The following RBFOX1 variants were observed in gnomAD, a reference collection of about 807,000 sequenced individuals.
The protein encoded by RBFOX1 is RNA binding protein fox-1 homolog 1.
A neutral mutation model predicts 57.7 loss-of-function variants in RBFOX1; 8 were observed. That is an observed-to-expected ratio of 0.14 (90% CI 0.08 to 0.25). The LOEUF (loss-of-function observed/expected upper bound fraction) is 0.25. Among genes scored for constraint, RBFOX1 ranks in the 10% least tolerant of loss-of-function variants. The pLI is 1.00. For missense variants in RBFOX1, 611 were observed against 548.5 expected, an observed-to-expected ratio of 1.11 and a Z score of -1.14; for synonymous variants, 326 against 222.4, an observed-to-expected ratio of 1.47 and a Z score of -4.15.
At chr16:6,079,063 C>G (rs2095956765) in intron 1 of RBFOX1, among the ~76,000 whole-genome samples, 1 of 152,174 alleles carries the variant, frequency 6.6e-6, no homozygotes, top group African/African-American at 2.4e-5. Context: ...AATCCCAGCA[C>G]TTTGGGAGGC....
intron 3 of RBFOX1, among the ~76,000 whole-genome samples, chr16:6,874,555 G>A (rs563292475): frequency 3.5e-5 from 5 of 144,348 alleles, no homozygotes; most frequent in Admixed American, 2.1e-4. Context: ...AATGGCATTC[G>A]CAACAACCTG....
chr16:5,455,474 C>A (rs893970225), intron 1 of RBFOX1, among the ~76,000 whole-genome samples: 1 of 152,110 alleles, frequency 6.6e-6, no homozygotes, highest in African/African-American at 2.4e-5. Context: ...GGTATCAAAT[C>A]ATTTAGGGTC....
intron 4 of RBFOX1, among the ~76,000 whole-genome samples, chr16:7,444,038 C>A (rs1011990049): frequency 4.6e-5 from 7 of 152,164 alleles, no homozygotes; most frequent in Non-Finnish European, 1.0e-4. Context: ...GTGGTTGCCT[C>A]AAGTTAGAGG....
In RBFOX1 at chr16:6,216,501, G is replaced by C. The variant is rs1005683805; in HGVS notation, c.-126-100494G>C. ...GTATCGCTGAAGAGAGTGACCCTCT[G>C]TATTTGGCTTGATTTTGTTGTCCTG... On this transcript the variant is annotated intron_variant, in intron 1 of 15. Transcript: ENST00000550418. Among the ~76,000 whole-genome samples, 8 of 152,246 alleles carry C rather than the reference G, an allele frequency of 5.3e-5. No individual in the cohort carries two copies. In the East Asian group the frequency reaches 1.4e-3, roughly 26 times the overall value.
intron 3 of RBFOX1, among the ~76,000 whole-genome samples, chr16:6,844,941 C>G (rs114059115): frequency 2.6e-5 from 4 of 152,102 alleles, no homozygotes; most frequent in Non-Finnish European, 5.9e-5. Flanking sequence ...ATCAGTGATA[C>G]TAAGCTTTTT....
intron 4 of RBFOX1, among the ~76,000 whole-genome samples, chr16:7,147,602 G>T (rs1277509843): frequency 6.6e-6 from 1 of 152,178 alleles, no homozygotes; most frequent in African/African-American, 2.4e-5. Flanking sequence ...AATTCACTTA[G>T]ATTAATGGCT....
At chr16:7,404,086 T>C (rs892098361) in intron 4 of RBFOX1, among the ~76,000 whole-genome samples, 1 of 140,248 alleles carries the variant, frequency 7.1e-6, no homozygotes, top group Non-Finnish European at 1.6e-5. Flanking sequence ...GGAGTCTCAC[T>C]CTGTCACCCA....
intron 1 of RBFOX1, among the ~76,000 whole-genome samples, chr16:5,414,941 C>T (rs1180795700): frequency 1.3e-5 from 2 of 151,940 alleles, no homozygotes; most frequent in Admixed American, 6.6e-5. Context: ...TGTTTTTTAC[C>T]CTTGGTGGAG....
chr16:5,361,510 T>C (rs2065550968), intron 1 of RBFOX1, among the ~76,000 whole-genome samples: 1 of 152,186 alleles, frequency 6.6e-6, no homozygotes, highest in African/African-American at 2.4e-5. Flanking sequence ...GTGGCAAGAT[T>C]AGCTGCATAA....
At chr16:6,540,129 T>C (rs140151041) in intron 2 of RBFOX1, among the ~76,000 whole-genome samples, 109 of 152,262 alleles carry the variant, frequency 7.2e-4, no homozygotes, top group African/African-American at 2.4e-3. Flanking sequence ...GTTTTTAGCA[T>C]AATGACCTGA....
chr16:7,567,923 G>A (rs2092294489), intron 5 of RBFOX1, among the ~76,000 whole-genome samples: 1 of 149,672 alleles, frequency 6.7e-6, no homozygotes, highest in African/African-American at 2.5e-5. Context: ...ATATATGTAT[G>A]GATACCTAAA....
At chr16:5,784,356 G>T (rs1248040707) in intron 3 of RBFOX1, among the ~76,000 whole-genome samples, 2 of 152,124 alleles carry the variant, frequency 1.3e-5, no homozygotes, top group Non-Finnish European at 2.9e-5. Context: ...GAACCCAGGA[G>T]GCGGAGCTTG....
At chr16:7,676,626 G>C in intron 13 of RBFOX1, 148 bp from the exon 14 acceptor site, 1 of 667,844 alleles carries the variant, frequency 1.5e-6, no homozygotes, top group Non-Finnish European at 2.6e-6. Context: ...GGGTGTTTTT[G>C]TATTTTCGCT....
rs1306918681 is a variant in RBFOX1 at position 5,810,453 on chromosome 16, T to G, written c.319-56850T>G. Among the ~76,000 whole-genome samples the G allele has an allele frequency of 2.0e-5, 3 of 152,218 alleles. No homozygotes were observed. In the South Asian group the frequency reaches 6.2e-4, roughly 32 times the overall value. On this transcript the variant is annotated intron_variant, in intron 3 of 19. Transcript: ENST00000641259. The stretch of plus-strand genomic sequence containing the variant: ...CAGAATTGTGGAAAATTAATTTTTG[T>G]TGCATAAGCACCCAGCCTGGTGCTT...
chr16:6,633,873 T>A (rs2098409954), intron 2 of RBFOX1, among the ~76,000 whole-genome samples: 1 of 152,066 alleles, frequency 6.6e-6, no homozygotes, highest in African/African-American at 2.4e-5. Flanking sequence ...TAGCCATGCA[T>A]GGTGGTGCAT....
At chr16:6,298,140 C>T (rs1177932229) in intron 1 of RBFOX1, among the ~76,000 whole-genome samples, 6 of 152,184 alleles carry the variant, frequency 3.9e-5, no homozygotes, top group African/African-American at 1.4e-4. Flanking sequence ...AGTTGGGCTC[C>T]TGCAGCTGTC....
At chr16:7,262,157 T>C (rs542625328) in intron 4 of RBFOX1, among the ~76,000 whole-genome samples, 46 of 152,154 alleles carry the variant, frequency 3.0e-4, no homozygotes, top group Non-Finnish European at 4.6e-4. Flanking sequence ...AATATAGTTA[T>C]ATATCTATAG....
intron 2 of RBFOX1, among the ~76,000 whole-genome samples, chr16:5,470,744 A>T (rs1439297771): frequency 6.6e-6 from 1 of 151,944 alleles, no homozygotes; most frequent in Non-Finnish European, 1.5e-5. Flanking sequence ...TGGGATTTGA[A>T]CCCTGGTCTG....
intron 2 of RBFOX1, among the ~76,000 whole-genome samples, chr16:5,559,072 G>C (rs1409622498): frequency 6.7e-6 from 1 of 148,434 alleles, no homozygotes; most frequent in Non-Finnish European, 1.5e-5. Context: ...GGGTTTGCCT[G>C]AGGAAACCTG....
Sources: allele counts gnomAD v4.1 joint callset (sites outside exome capture counted in the v4.1 genomes callset), GRCh38; gene constraint gnomAD v4.1.1; transcripts MANE v1.5; gene names NCBI Gene and HGNC (gene_info 2026-07-23, HGNC 2026-07-21).